Variants in SPAG16 observed in about 807,000 individuals in gnomAD.
The protein encoded by SPAG16 is sperm associated antigen 16.
SPAG16 carries 86 observed loss-of-function variants against 80.4 expected under a neutral mutation model. The ratio of observed to expected loss-of-function variants is 1.07; its 90% CI spans 0.90 to 1.28. The LOEUF is 1.28. SPAG16 is among the 50% of genes most tolerant of loss of function. SPAG16 has a pLI of 0.00. For synonymous variants in SPAG16, 294 were observed against 265.9 expected, an observed-to-expected ratio of 1.11 and a Z score of -1.03; for missense variants, 870 against 765.3, an observed-to-expected ratio of 1.14 and a Z score of -1.61.
intron 9 of SPAG16, among the ~76,000 whole-genome samples, chr2:213,476,151 T>G (rs370688811): frequency 6.6e-6 from 1 of 152,222 alleles, no homozygotes; most frequent in African/African-American, 2.4e-5. Flanking sequence ...CTTTTTGGCT[T>G]GCAAAAACAC....
chr2:213,301,683 TG>T (rs2126087320), intron 3 of SPAG16, among the ~76,000 whole-genome samples: 1 of 152,268 alleles, frequency 6.6e-6, no homozygotes, highest in East Asian at 1.9e-4. Context: ...CTAAAAGATG[TG>T]TCTAATGCAA....
At chr2:213,817,256 G>GAT (rs549146369) in intron 10 of SPAG16, among the ~76,000 whole-genome samples, 17,637 of 140,678 alleles carry the variant, frequency 0.13, 1,244 homozygotes, top group African/African-American at 0.21. Flanking sequence ...TTATATATAT[G>GAT]ATATATATAT....
At chr2:213,333,897 A>G (rs1451094688) in intron 5 of SPAG16, among the ~76,000 whole-genome samples, 1 of 152,126 alleles carries the variant, frequency 6.6e-6, no homozygotes, top group Non-Finnish European at 1.5e-5. Context: ...TCTCAATGAC[A>G]TTGGTCTAGG....
chr2:213,665,649 A>G (rs746833294), intron 10 of SPAG16, among the ~76,000 whole-genome samples: 2 of 152,180 alleles, frequency 1.3e-5, no homozygotes, highest in African/African-American at 4.8e-5. Context: ...GTCACATTTC[A>G]TCAACCAATA....
At chr2:213,583,272 C>T (rs1217955904) in intron 10 of SPAG16, among the ~76,000 whole-genome samples, 1 of 152,138 alleles carries the variant, frequency 6.6e-6, no homozygotes, top group East Asian at 1.9e-4. Flanking sequence ...CATGAACAGT[C>T]TGTACCTAGT....
intron 8 of SPAG16, among the ~76,000 whole-genome samples, chr2:213,368,487 C>G (rs1289688213): frequency 6.6e-6 from 1 of 152,132 alleles, no homozygotes; most frequent in African/African-American, 2.4e-5. Context: ...TGGAAGCATT[C>G]CCTTTGAAAA....
At chr2:213,919,609 T>C (rs1248049000) in intron 11 of SPAG16, among the ~76,000 whole-genome samples, 1 of 152,228 alleles carries the variant, frequency 6.6e-6, no homozygotes, top group Non-Finnish European at 1.5e-5. Context: ...TTTTCAGTGA[T>C]TATTTCAGTC....
intron 15 of SPAG16, among the ~76,000 whole-genome samples, chr2:214,159,144 C>A (rs1030684284): frequency 5.9e-5 from 9 of 151,896 alleles, no homozygotes; most frequent in African/African-American, 2.2e-4. Context: ...CATGTATAGG[C>A]TGGCATAGGT....
chr2:213,480,066 T>G (rs1454239557), intron 9 of SPAG16, among the ~76,000 whole-genome samples: 1 of 152,204 alleles, frequency 6.6e-6, no homozygotes, highest in Admixed American at 6.5e-5. Context: ...ATAAGAAGTA[T>G]GGAAGCATGC....
intron 15 of SPAG16, among the ~76,000 whole-genome samples, chr2:214,399,502 A>T (rs1701590745): frequency 6.6e-6 from 1 of 151,964 alleles, no homozygotes; most frequent in Non-Finnish European, 1.5e-5. Context: ...CCACAGACAA[A>T]CCTCCACATT....
At chr2:213,605,779 G>A (rs996903156) in intron 10 of SPAG16, among the ~76,000 whole-genome samples, 1 of 151,976 alleles carries the variant, frequency 6.6e-6, no homozygotes, top group Non-Finnish European at 1.5e-5. Context: ...GTGAGCCACC[G>A]CACCCAGCCT....
At chr2:214,018,804 T>A (rs1162114685) in intron 13 of SPAG16, among the ~76,000 whole-genome samples, 4 of 152,174 alleles carry the variant, frequency 2.6e-5, no homozygotes, top group Admixed American at 2.6e-4. Flanking sequence ...TCCTATAAAT[T>A]AGTTTTAAAC....
At chr2:214,136,639 A>G (rs1360893313) in intron 14 of SPAG16, among the ~76,000 whole-genome samples, 1 of 152,206 alleles carries the variant, frequency 6.6e-6, no homozygotes, top group Admixed American at 6.5e-5. Context: ...ACATCTTTCC[A>G]GTGCTCTATA....
intron 10 of SPAG16, among the ~76,000 whole-genome samples, chr2:213,503,527 T>A (rs1025277824): frequency 6.6e-6 from 1 of 152,186 alleles, no homozygotes; most frequent in African/African-American, 2.4e-5. Context: ...TTCAATATTT[T>A]AAGGTGAGAT....
chr2:213,836,588 T>C (rs1196353653), intron 10 of SPAG16, among the ~76,000 whole-genome samples: 1 of 152,068 alleles, frequency 6.6e-6, no homozygotes, highest in African/African-American at 2.4e-5. Flanking sequence ...TGAGACCTTT[T>C]TCCAAATCTT....
intron 10 of SPAG16, among the ~76,000 whole-genome samples, chr2:213,613,530 A>T (rs1241097066): frequency 6.6e-6 from 1 of 152,042 alleles, no homozygotes; most frequent in African/African-American, 2.4e-5. Context: ...TCAAATATCT[A>T]TAGGCATTTT....
chr2:214,374,073 G>C (rs1699980466), intron 15 of SPAG16, among the ~76,000 whole-genome samples: 3 of 152,226 alleles, frequency 2.0e-5, no homozygotes. Context: ...GTGAGGAGCA[G>C]TGGCTGGCAA....
intron 7 of SPAG16, among the ~76,000 whole-genome samples, chr2:213,363,052 AT>A (rs59673804): frequency 0.68 from 103,192 of 151,964 alleles, 35,818 homozygotes; most frequent in East Asian, 1. Context: ...TCTGGATGCG[AT>A]TTTGAAACAT....
intron 10 of SPAG16, among the ~76,000 whole-genome samples, chr2:213,826,543 A>G (rs1411383536): frequency 2.0e-5 from 3 of 151,928 alleles, no homozygotes; most frequent in African/African-American, 7.2e-5. Context: ...ATGTGTTTGT[A>G]TAGTTTCCAA....
Sources: allele counts gnomAD v4.1 joint callset (sites outside exome capture counted in the v4.1 genomes callset), GRCh38; gene constraint gnomAD v4.1.1; transcripts MANE v1.5; gene names NCBI Gene and HGNC (gene_info 2026-07-23, HGNC 2026-07-21).